The following FBXL17 variants were observed in gnomAD, a reference collection of about 807,000 sequenced individuals.
FBXL17 encodes F-box and leucine rich repeat protein 17, also known as F-box/LRR-repeat protein 17.
In FBXL17, 22 loss-of-function variants were observed where a neutral mutation model predicts 66.2. The ratio of observed to expected loss-of-function variants is 0.33; its 90% CI spans 0.24 to 0.47. The LOEUF is 0.47. Among genes scored for constraint, FBXL17 ranks in the 20% least tolerant of loss-of-function variants. The pLI is 1.00. For synonymous variants in FBXL17, 474 were observed against 400.5 expected (o/e 1.18, Z -2.19); for missense variants, 878 against 948.2 (o/e 0.93, Z 0.97).
intron 7 of FBXL17, among the ~76,000 whole-genome samples, chr5:107,890,332 T>C (rs1443141859): frequency 1.3e-5 from 2 of 151,472 alleles, no homozygotes; most frequent in African/African-American, 4.9e-5. Flanking sequence ...AAAGACCGAA[T>C]GTCAGTTTTA....
At chr5:108,083,250 C>CACACACACACACACACACACACACAG (rs369652150) in intron 6 of FBXL17, among the ~76,000 whole-genome samples, 1 of 145,582 alleles carries the variant, frequency 6.9e-6, no homozygotes, top group African/African-American at 2.6e-5. Flanking sequence ...CACACACACA[C>CACACACACACACACACACACACACAG]AGAGAGAGAG....
rs145583238 is a variant in FBXL17, at chr5:108,269,827, G to A, written c.1507-45599C>T. On this transcript the variant is annotated intron_variant, in intron 4 of 8. Transcript: ENST00000542267. ...GAAAATTTGCTGAAATCTTTTAGAC[G>A]AGGGTTTGTTTTCTCTTTTTTAATC... 4.6e-5 allele frequency among the ~76,000 whole-genome samples: 7 copies of A among 152,128 alleles called. No individual in the cohort carries two copies. In the East Asian group the frequency reaches 9.7e-4, roughly 21 times the overall value.
chr5:107,906,111 C>A (rs1749748622), intron 7 of FBXL17, among the ~76,000 whole-genome samples: 1 of 151,440 alleles, frequency 6.6e-6, no homozygotes. Context: ...TCCCTGGATC[C>A]AAATGTATAT....
At chr5:108,025,697 AC>A (rs1754776611) in intron 6 of FBXL17, among the ~76,000 whole-genome samples, 1 of 128,206 alleles carries the variant, frequency 7.8e-6, no homozygotes, top group Admixed American at 7.6e-5. Flanking sequence ...ACACACACAC[AC>A]ACACAAACAC....
intron 8 of FBXL17, among the ~76,000 whole-genome samples, chr5:107,875,114 T>C (rs1459727986): frequency 1.3e-5 from 2 of 151,990 alleles, no homozygotes; most frequent in African/African-American, 4.8e-5. Context: ...TCTCTTTTTT[T>C]TTTTTTACTT....
At chr5:107,875,032 C>T (rs1748575492) in intron 8 of FBXL17, among the ~76,000 whole-genome samples, 1 of 152,062 alleles carries the variant, frequency 6.6e-6, no homozygotes, top group Admixed American at 6.6e-5. Flanking sequence ...TCACCCACAA[C>T]AGAGGACTGC....
chr5:108,253,475 A>G lies in FBXL17; in HGVS notation c.1507-29247T>C, dbSNP rs531060953. ...CTATTCATCATTTAATGGTTCTTTC[A>G]ATGTCATATGTCTTACCAATATATC... On this transcript the variant is annotated intron_variant, in intron 4 of 8. Coordinates refer to ENST00000542267, the MANE Select transcript of FBXL17 (RefSeq NM_001163315.3). 2.0e-5 allele frequency among the ~76,000 whole-genome samples: 3 copies of G among 152,256 alleles called. No homozygotes were observed. The South Asian group carries it at 6.2e-4, about 32-fold the overall frequency.
chr5:107,909,789 C>T (rs576502755), intron 7 of FBXL17, among the ~76,000 whole-genome samples: 4 of 152,048 alleles, frequency 2.6e-5, no homozygotes, highest in Non-Finnish European at 5.9e-5. Flanking sequence ...TGAGCCAGGC[C>T]GTCAGAATGC....
At chr5:107,893,922 T>TG in intron 7 of FBXL17, among the ~76,000 whole-genome samples, 1 of 152,340 alleles carries the variant, frequency 6.6e-6, no homozygotes, top group Non-Finnish European at 1.5e-5. Flanking sequence ...TTGTATGTAC[T>TG]GGCTGTAGCG....
At chr5:108,071,829 C>T (rs1463566591) in intron 6 of FBXL17, among the ~76,000 whole-genome samples, 1 of 152,078 alleles carries the variant, frequency 6.6e-6, no homozygotes, top group Non-Finnish European at 1.5e-5. Context: ...ATGTTATAAT[C>T]TAGTTTAGAG....
intron 7 of FBXL17, among the ~76,000 whole-genome samples, chr5:107,895,168 T>C (rs1370214723): frequency 2.6e-5 from 4 of 152,292 alleles, no homozygotes; most frequent in Non-Finnish European, 4.4e-5. Flanking sequence ...GAGATCTTTA[T>C]TGTGATTAAT....
At chr5:107,891,607 T>C (rs1051132593) in intron 7 of FBXL17, among the ~76,000 whole-genome samples, 2 of 152,052 alleles carry the variant, frequency 1.3e-5, no homozygotes, top group Non-Finnish European at 2.9e-5. Flanking sequence ...TGCTCATAGA[T>C]TGAATGTGGA....
chr5:107,955,969 A>T (rs547354513), intron 7 of FBXL17, among the ~76,000 whole-genome samples: 1 of 152,294 alleles, frequency 6.6e-6, no homozygotes, highest in South Asian at 2.1e-4. Flanking sequence ...CTCAAAACCA[A>T]TTACCTCTAA....
At chr5:108,190,847 C>G (rs1753443350) in intron 5 of FBXL17, among the ~76,000 whole-genome samples, 1 of 152,094 alleles carries the variant, frequency 6.6e-6, no homozygotes, top group South Asian at 2.1e-4. Context: ...CGTTTTTGAT[C>G]TCCACACCCA....
intron 5 of FBXL17, among the ~76,000 whole-genome samples, chr5:108,209,195 C>T (rs1027116922): frequency 4.6e-5 from 7 of 152,154 alleles, no homozygotes; most frequent in Non-Finnish European, 7.4e-5. Flanking sequence ...TGCTTATCAG[C>T]TTAAGGAGAT....
chr5:108,347,097 T>C (rs1038022207), intron 4 of FBXL17, among the ~76,000 whole-genome samples: 1 of 152,130 alleles, frequency 6.6e-6, no homozygotes, highest in Non-Finnish European at 1.5e-5. Flanking sequence ...TTATGAGAAA[T>C]GTGTCATTAG....
rs556124918 is a variant in FBXL17 at position 108,104,688 on chromosome 5, T to C, written c.1745+81429A>G. On this transcript the variant is annotated intron_variant, in intron 6 of 8. Coordinates refer to ENST00000542267, the MANE Select transcript of FBXL17 (RefSeq NM_001163315.3). ...AAAGTGAGTCATTCAGTGAGTGCAA[T>C]AGATGATCCACAGTTTTGTGACAAA... Among the ~76,000 whole-genome samples the C allele has an allele frequency of 1.7e-4, 26 of 152,320 alleles. 1 individual carries two copies. The highest frequency in any genetic ancestry group is 4.6e-4 in the African/African-American group (19 of 41,574).
chr5:108,072,209 A>G (rs1314496831), intron 6 of FBXL17, among the ~76,000 whole-genome samples: 1 of 152,178 alleles, frequency 6.6e-6, no homozygotes, highest in Non-Finnish European at 1.5e-5. Flanking sequence ...TATCTTCCTC[A>G]TACTTAACTA....
At chr5:108,076,508 T>G (rs1243081663) in intron 6 of FBXL17, among the ~76,000 whole-genome samples, 1 of 152,100 alleles carries the variant, frequency 6.6e-6, no homozygotes, top group African/African-American at 2.4e-5. Flanking sequence ...TACAGGAAAT[T>G]TGTTTTTGTT....
Sources: allele counts gnomAD v4.1 joint callset (sites outside exome capture counted in the v4.1 genomes callset), GRCh38; gene constraint gnomAD v4.1.1; transcripts MANE v1.5; gene names NCBI Gene and HGNC (gene_info 2026-07-23, HGNC 2026-07-21).